KRT31: variants seen among roughly 807,000 people sequenced by gnomAD.
KRT31 encodes keratin, type I cuticular Ha1.
In KRT31, 27 loss-of-function variants were observed where a neutral mutation model predicts 40.8. That is an observed-to-expected ratio of 0.66 (90% confidence interval 0.49 to 0.91). The LOEUF (loss-of-function observed/expected upper bound fraction) is 0.91. Among genes scored for constraint, KRT31 ranks in the 40% least tolerant of loss-of-function variants. The probability of loss-of-function intolerance (pLI) is 0.00; values close to 1 mark genes in which losing one functional copy is unlikely to be tolerated. For missense variants in KRT31, 510 were observed against 544.1 expected (o/e 0.94, Z 0.62); for synonymous variants, 231 against 231.9 (o/e 1.00, Z 0.03).
rs2144355876 is a variant in KRT31 at position 41,395,042 on chromosome 17, T to C, written c.903A>G (p.Thr301=). 6.2e-6 allele frequency: 10 copies of C among 1,614,262 alleles called. 1 individual carries two copies. The highest frequency in any genetic ancestry group is 2.2e-5 in the South Asian group (2 of 91,086). ...NLRDSLENTL[T]ESEARYSSQL... Reference sequence around the variant, plus strand: ...GGGAGCTGTAGCGGGCCTCACTCTCTGTCAGCGTGTTTTCCAGAGAGTCTC... The same window carrying C: ...GGGAGCTGTAGCGGGCCTCACTCTCCGTCAGCGTGTTTTCCAGAGAGTCTC... The change falls in exon 6 of 7, where the codon ACA becomes ACG. Residue 301 remains threonine (T), a synonymous_variant. Transcript: ENST00000251645.
intron 6 of KRT31, 93 bp from the exon 7 acceptor site, chr17:41,394,262 A>G: frequency 7.2e-7 from 1 of 1,397,062 alleles, no homozygotes; most frequent in Non-Finnish European, 9.9e-7. Flanking sequence ...TGCCTGGGTC[A>G]AGGGACTTGA....
chr17:41,393,792 G>A lies in KRT31; in HGVS notation c.*224C>T, dbSNP rs183877951. 8.9e-5 allele frequency: 46 copies of A among 519,474 alleles called. No homozygotes were observed. In the East Asian group the frequency reaches 1.3e-3, roughly 15 times the overall value. 32.2% of individuals were successfully genotyped at this position (519,474 alleles called of 1,614,324 possible). On this transcript the variant is annotated 3_prime_UTR_variant, in exon 7 of 7. Coordinates refer to ENST00000251645, the MANE Select transcript of KRT31 (RefSeq NM_002277.3). ...CCACTGGCACATCAGAGAGTTCTCT[G>A]GGTGAGCATAGGAAGGAACAGACCC... is the stretch of plus-strand genomic sequence containing the variant.
At chr17:41,396,612 A>G (rs768807767) in intron 2 of KRT31, 36 bp from the exon 3 acceptor site, 1 of 1,592,028 alleles carries the variant, frequency 6.3e-7, no homozygotes, top group African/African-American at 1.3e-5. Flanking sequence ...TACCTGGTAG[A>G]TCTTCAAGAC....
chr17:41,397,586 A>C lies in KRT31; in HGVS notation c.-47T>G, dbSNP rs558609002. 3 of 1,545,750 alleles carry C rather than the reference A, an allele frequency of 1.9e-6. No homozygotes were observed. Among genetic ancestry groups the C allele is most frequent in the South Asian group, 1.2e-5 (1 of 81,302 alleles). Reference sequence around the variant, plus strand: ...AGTGCCTGGCTGAAGACAGAGTCTAAATTCTCCAAGCCACAGAGCTGTGGG... The same window carrying C: ...AGTGCCTGGCTGAAGACAGAGTCTACATTCTCCAAGCCACAGAGCTGTGGG... On this transcript the variant is annotated 5_prime_UTR_variant, in exon 1 of 7. The change creates a new upstream start codon in the 5' untranslated region. Coordinates refer to ENST00000251645, the MANE Select transcript of KRT31 (RefSeq NM_002277.3).
chr17:41,396,687 C>G, intron 2 of KRT31, 111 bp from the exon 3 acceptor site: 12 of 1,294,630 alleles, frequency 9.3e-6, no homozygotes, highest in Non-Finnish European at 1.3e-5. Flanking sequence ...TGAATAGGCC[C>G]AGGAGACAGA....
In KRT31 at chr17:41,397,292, T is replaced by G. The variant is rs144128389; in HGVS notation, c.248A>C (p.Glu83Ala). ...KVRQLERDNA[E>A]LENLIRERSQ... is the part of the protein sequence containing the mutation. Reference sequence around the variant, plus strand: ...CCGCTCCCGGATGAGGTTCTCCAGCTCCGCGTTGTCCCGCTCCAGCTGACG... The same window carrying G: ...CCGCTCCCGGATGAGGTTCTCCAGCGCCGCGTTGTCCCGCTCCAGCTGACG... The change falls in exon 1 of 7, where the codon GAG becomes GCG. Residue 83 changes from glutamate (E) to alanine (A), a missense_variant. Coordinates refer to ENST00000251645, the MANE Select transcript of KRT31 (RefSeq NM_002277.3). The G allele has an allele frequency of 3.7e-6, 6 of 1,614,078 alleles. No homozygotes were observed. In the African/African-American group the frequency reaches 8.0e-5, roughly 22 times the overall value.
In KRT31 at chr17:41,396,569, T is replaced by C. The variant is rs1325402852; in HGVS notation, c.439A>G (p.Thr147Ala). ...ACCAGCTGCCGCAGGGACAGCTCGG[T>C]CTGGTACCTGCGCAAGGACAGGGTC... is the stretch of plus-strand genomic sequence containing the variant. ...AADDFRTKYQ[T>A]ELSLRQLVES... Residue 147 changes from threonine to alanine, a missense_variant, in exon 3 of 7, where the codon ACC becomes GCC. By Grantham distance (58) the Thr-to-Ala change is moderately conservative. Transcript: ENST00000251645. 1 of 1,613,728 alleles carries C rather than the reference T, an allele frequency of 6.2e-7. No homozygotes were observed. The highest frequency in any genetic ancestry group is 2.2e-5 in the East Asian group (1 of 44,878).
In KRT31 at chr17:41,396,920, TG is replaced by T. The variant is rs748175418; in HGVS notation, c.423del (p.Phe141LeufsTer29). 1 of 1,613,468 alleles carries T rather than the reference TG, an allele frequency of 6.2e-7. No homozygotes were observed. Among genetic ancestry groups the T allele is most frequent in the South Asian group, 1.1e-5 (1 of 91,058 alleles). On this transcript the variant is annotated frameshift_variant, in exon 2 of 7. Transcript: ENST00000251645. LOFTEE classifies it high-confidence loss of function. ...IDNAKLAADDFRTKYQTELSL... is the reference protein window; with the variant it reads ...IDNAKLAADDXRTKYQTELSL... ...AAATTCCGAACAACTCACTTGGTTC[TG>T]AAATCATCCGCAGCCAGCTTGGCGT... is the stretch of plus-strand genomic sequence containing the variant.
chr17:41,394,564 A>G (rs1331697376), intron 6 of KRT31, among the ~76,000 whole-genome samples: 2 of 152,232 alleles, frequency 1.3e-5, no homozygotes, highest in Non-Finnish European at 2.9e-5. Flanking sequence ...GCAATACAGT[A>G]TTGTAAAAAG....
chr17:41,396,087 T>C (rs529027862), intron 3 of KRT31, among the ~76,000 whole-genome samples: 1 of 151,982 alleles, frequency 6.6e-6, no homozygotes, highest in South Asian at 2.1e-4. Flanking sequence ...GTTTGATATT[T>C]TTTTTCTTGG....
chr17:41,394,535 A>G (rs1197542041), intron 6 of KRT31, among the ~76,000 whole-genome samples: 2 of 152,202 alleles, frequency 1.3e-5, no homozygotes, highest in Admixed American at 6.5e-5. Flanking sequence ...CAGGTAGCCT[A>G]TGGGAATGTA....
chr17:41,396,660 C>T, intron 2 of KRT31, 84 bp from the exon 3 acceptor site: 1 of 1,468,782 alleles, frequency 6.8e-7, no homozygotes, highest in Non-Finnish European at 9.2e-7. Context: ...TGTGCCTTAT[C>T]TTTCCACTTT....
rs755526131 is a variant in KRT31, at chr17:41,393,801, T to A, written c.*215A>T. 3 of 538,316 alleles carry A rather than the reference T, an allele frequency of 5.6e-6. No homozygotes were observed. The highest frequency in any genetic ancestry group is 9.7e-6 in the Non-Finnish European group (3 of 310,650). The allele number at this position is 538,316 out of a possible 1,614,324, so 33.3% of individuals were successfully genotyped here. A position where few individuals can be genotyped will look rare whatever the true frequency, so the allele number is the denominator to read the frequency against. On this transcript the variant is annotated 3_prime_UTR_variant, in exon 7 of 7. Transcript: ENST00000251645. ...CATCAGAGAGTTCTCTGGGTGAGCA[T>A]AGGAAGGAACAGACCCCCAGGAAGG...
intron 3 of KRT31, among the ~76,000 whole-genome samples, chr17:41,396,105 C>CG (rs1247281323): frequency 1.3e-4 from 11 of 82,270 alleles, no homozygotes; most frequent in African/African-American, 4.7e-4. Context: ...TGGCCTTTGC[C>CG]AAAAAAAAAA....
chr17:41,396,951 G>A lies in KRT31; in HGVS notation c.393C>T (p.Ile131=), dbSNP rs553792126. 43 of 1,614,156 alleles carry A rather than the reference G, an allele frequency of 2.7e-5. No individual in the cohort carries two copies. The highest frequency in any genetic ancestry group is 3.3e-5 in the South Asian group (3 of 91,088). ...KSENARLVVQ[I]DNAKLAADDF... ...CATCCGCAGCCAGCTTGGCGTTGTC[G>A]ATCTGCACCACAAGCCTGGCATTCT... Residue 131 remains isoleucine (I), a synonymous_variant, in exon 2 of 7, where the codon ATC becomes ATT. Transcript: ENST00000251645.
In KRT31 at chr17:41,393,950, C is replaced by A; in HGVS notation, c.*66G>T. 1 of 1,543,826 alleles carries A rather than the reference C, an allele frequency of 6.5e-7. No individual in the cohort carries two copies. Among genetic ancestry groups the A allele is most frequent in the Non-Finnish European group, 8.7e-7 (1 of 1,146,868 alleles). Reference sequence around the variant, plus strand: ...TGTTTTCAGGCCCCTTTTGTTGAACCAGAGCCAGGTCACAGCTCTGGAGTC... The same window carrying A: ...TGTTTTCAGGCCCCTTTTGTTGAACAAGAGCCAGGTCACAGCTCTGGAGTC... On this transcript the variant is annotated 3_prime_UTR_variant, in exon 7 of 7. Coordinates refer to ENST00000251645, the MANE Select transcript of KRT31 (RefSeq NM_002277.3).
rs538344109 is a variant in KRT31 at position 41,396,324 on chromosome 17, T to G, written c.588+96A>C. On this transcript the variant is annotated intron_variant, in intron 3 of 6. Coordinates refer to ENST00000251645, the MANE Select transcript of KRT31 (RefSeq NM_002277.3). ...TGTTTTCAAAGGAAACCCTCAGTCT[T>G]GTACTCATACTCTGCATTCTGCTGC... The G allele has an allele frequency of 3.3e-6, 4 of 1,208,744 alleles. No individual in the cohort carries two copies. The South Asian group carries it at 4.6e-5, about 14-fold the overall frequency. 74.9% of individuals were successfully genotyped at this position (1,208,744 alleles called of 1,614,324 possible). A position where few individuals can be genotyped will look rare whatever the true frequency, so the allele number is the denominator to read the frequency against.
At position 41,395,287 on chromosome 17, in the gene KRT31, T is replaced by A. The variant is rs760093956; in HGVS notation, c.834A>T (p.Thr278=). Residue 278 remains threonine (T), a synonymous_variant, in exon 5 of 7, where the codon ACA becomes ACT. Coordinates refer to ENST00000251645, the MANE Select transcript of KRT31 (RefSeq NM_002277.3). Reference sequence around the variant, plus strand: ...GCAGCTCGATCTCCAGGGCGTTGACTGTGCGTCTCAGCTCGATGATCTCCG... The same window carrying A: ...GCAGCTCGATCTCCAGGGCGTTGACAGTGCGTCTCAGCTCGATGATCTCCG... The part of the protein sequence containing the change: ...YQAEIIELRR[T]VNALEIELQA... The A allele has an allele frequency of 5.6e-6, 9 of 1,613,036 alleles. No homozygotes were observed. Among genetic ancestry groups the A allele is most frequent in the East Asian group, 4.5e-5 (2 of 44,894 alleles).
chr17:41,397,234 A>G lies in KRT31; in HGVS notation c.306T>C (p.Ser102=), dbSNP rs1225305254. ...CAATGGTCTTAAAATAGGACTGGTA[A>G]CTGGGGCACAGCAAGGGCTCCTGCT... ...SQQQEPLLCP[S]YQSYFKTIEE... Residue 102 remains serine, a synonymous_variant, in exon 1 of 7, where the codon AGT becomes AGC. Transcript: ENST00000251645. 1.2e-6 allele frequency: 2 copies of G among 1,614,150 alleles called. No homozygotes were observed. The highest frequency in any genetic ancestry group is 1.7e-6 in the Non-Finnish European group (2 of 1,180,034).
Sources: allele counts gnomAD v4.1 joint callset (sites outside exome capture counted in the v4.1 genomes callset), GRCh38; gene constraint gnomAD v4.1.1; transcripts MANE v1.5; gene names NCBI Gene and HGNC (gene_info 2026-07-23, HGNC 2026-07-21).